ATG10: variants seen among roughly 807,000 people sequenced by gnomAD.
The protein encoded by ATG10 is ubiquitin-like-conjugating enzyme ATG10.
A neutral mutation model predicts 32.1 loss-of-function variants in ATG10; 30 were observed. The ratio of observed to expected loss-of-function variants is 0.94; its 90% CI spans 0.70 to 1.27. The LOEUF is 1.27. Among genes scored for constraint, ATG10 ranks in the 50% most tolerant of loss-of-function variants. The probability of loss-of-function intolerance (pLI) is 0.00; values close to 1 mark genes in which losing one functional copy is unlikely to be tolerated. For missense variants in ATG10, 233 were observed against 262.3 expected, an observed-to-expected ratio of 0.89 and a Z score of 0.77; for synonymous variants, 87 against 91.5, an observed-to-expected ratio of 0.95 and a Z score of 0.28.
chr5:82,027,585 A>G (rs1450324250), intron 2 of ATG10, among the ~76,000 whole-genome samples: 2 of 152,332 alleles, frequency 1.3e-5, no homozygotes, highest in East Asian at 1.9e-4. Context: ...CCCTAACTCT[A>G]TAAATAGATT....
intron 3 of ATG10, among the ~76,000 whole-genome samples, chr5:82,109,959 C>A (rs1765565393): frequency 6.6e-6 from 1 of 150,884 alleles, no homozygotes; most frequent in South Asian, 2.1e-4. Flanking sequence ...ATCCCCCCAC[C>A]CCACAATGGG....
At chr5:82,025,011 T>C (rs1189511368) in intron 2 of ATG10, among the ~76,000 whole-genome samples, 1 of 152,178 alleles carries the variant, frequency 6.6e-6, no homozygotes, top group Non-Finnish European at 1.5e-5. Context: ...TGAAAGGTAA[T>C]GTAAGATAGT....
rs1200351441 is a variant in ATG10 at position 82,122,334 on chromosome 5, C to CT, written c.217-42059dup. Among the ~76,000 whole-genome samples the CT allele has an allele frequency of 2.6e-5, 4 of 151,912 alleles. No individual in the cohort carries two copies. In the East Asian group the frequency reaches 7.7e-4, roughly 29 times the overall value. On this transcript the variant is annotated intron_variant, in intron 3 of 7. Coordinates refer to ENST00000282185, the MANE Select transcript of ATG10 (RefSeq NM_031482.5). The stretch of plus-strand genomic sequence containing the variant: ...ATATGCAGAAGATTGAAGCTGTGCT[C>CT]TTTTTTACATCGTATACAAAAATCG...
chr5:82,017,067 T>C (rs1431006710), intron 2 of ATG10, among the ~76,000 whole-genome samples: 4 of 152,160 alleles, frequency 2.6e-5, no homozygotes. Flanking sequence ...GTTTGTGTTG[T>C]CTATGATTTA....
At chr5:82,093,327 C>T (rs1764952954) in intron 3 of ATG10, among the ~76,000 whole-genome samples, 1 of 152,086 alleles carries the variant, frequency 6.6e-6, no homozygotes, top group African/African-American at 2.4e-5. Context: ...CATTTTGGAT[C>T]GTTTCTATTG....
intron 3 of ATG10, among the ~76,000 whole-genome samples, chr5:82,146,281 A>T (rs1767355561): frequency 6.6e-6 from 1 of 152,008 alleles, no homozygotes; most frequent in South Asian, 2.1e-4. Flanking sequence ...CTGGTGAGAA[A>T]TCCATGGAAA....
intron 3 of ATG10, among the ~76,000 whole-genome samples, chr5:82,122,241 C>T (rs568074030): frequency 1.3e-5 from 2 of 152,054 alleles, no homozygotes; most frequent in East Asian, 3.9e-4. Context: ...TTTGACAAAG[C>T]TGACAAAAAC....
intron 3 of ATG10, among the ~76,000 whole-genome samples, chr5:82,124,753 G>C (rs764491850): frequency 2.6e-5 from 4 of 152,094 alleles, no homozygotes; most frequent in Non-Finnish European, 4.4e-5. Flanking sequence ...ATAAACATAT[G>C]TGTGAGTGTG....
chr5:82,094,633 T>A (rs942819609), intron 3 of ATG10, among the ~76,000 whole-genome samples: 1 of 152,132 alleles, frequency 6.6e-6, no homozygotes, highest in African/African-American at 2.4e-5. Flanking sequence ...TAAAAAGTGT[T>A]TAAAAAGTAG....
chr5:82,055,222 T>C (rs1334234162), intron 2 of ATG10, among the ~76,000 whole-genome samples: 1 of 152,044 alleles, frequency 6.6e-6, no homozygotes, highest in Non-Finnish European at 1.5e-5. Context: ...AAGGCTAATC[T>C]TGACTGAGAA....
At chr5:81,987,235 G>A (rs985640758) in intron 1 of ATG10, among the ~76,000 whole-genome samples, 1 of 152,136 alleles carries the variant, frequency 6.6e-6, no homozygotes, top group Non-Finnish European at 1.5e-5. Flanking sequence ...TGATCCTCCT[G>A]CCTCAGCCTC....
intron 3 of ATG10, among the ~76,000 whole-genome samples, chr5:82,089,342 CA>C (rs111488674): frequency 7.6e-4 from 108 of 141,352 alleles, no homozygotes; most frequent in South Asian, 1.6e-3. Flanking sequence ...AACTCTGTCT[CA>C]AAAAAAAAAA....
chr5:82,021,706 C>T (rs886623793), intron 2 of ATG10, among the ~76,000 whole-genome samples: 1 of 152,004 alleles, frequency 6.6e-6, no homozygotes, highest in African/African-American at 2.4e-5. Flanking sequence ...CATGGTGAAA[C>T]CCTGTCTCTA....
At chr5:82,151,184 C>T (rs1767579845) in intron 3 of ATG10, among the ~76,000 whole-genome samples, 3 of 152,140 alleles carry the variant, frequency 2.0e-5, no homozygotes, top group Admixed American at 2.0e-4. Flanking sequence ...GAAAGTTAGG[C>T]TCTACTAATA....
At chr5:82,177,391 A>G (rs1382628155) in intron 4 of ATG10, among the ~76,000 whole-genome samples, 1 of 152,128 alleles carries the variant, frequency 6.6e-6, no homozygotes, top group East Asian at 1.9e-4. Flanking sequence ...GCTCTTGAGT[A>G]GATTATTTTC....
At position 82,228,451 on chromosome 5, in the gene ATG10, A is replaced by G. The variant is rs1027355279; in HGVS notation, c.454-24111A>G. Among the ~76,000 whole-genome samples, 9 of 152,202 alleles carry G rather than the reference A, an allele frequency of 5.9e-5. No homozygotes were observed. In the South Asian group the frequency reaches 8.3e-4, roughly 14 times the overall value. On this transcript the variant is annotated intron_variant, in intron 5 of 7. Coordinates refer to ENST00000282185, the MANE Select transcript of ATG10 (RefSeq NM_031482.5). ...AAAACATAAACTCCTTTGTCTCTCT[A>G]TTTTTTTGGTTATGAGAAGATGATC...
intron 2 of ATG10, among the ~76,000 whole-genome samples, chr5:82,028,867 T>C (rs943572041): frequency 3.3e-5 from 5 of 152,208 alleles, no homozygotes; most frequent in African/African-American, 1.2e-4. Context: ...TTCATATGTA[T>C]TGATAAAGTT....
At chr5:82,206,485 A>T (rs1003693411) in intron 5 of ATG10, among the ~76,000 whole-genome samples, 1 of 151,688 alleles carries the variant, frequency 6.6e-6, no homozygotes, top group African/African-American at 2.4e-5. Context: ...GTCTCTACTT[A>T]AAAAAATACA....
chr5:82,002,972 G>A (rs762835145), intron 2 of ATG10, among the ~76,000 whole-genome samples: 7 of 152,062 alleles, frequency 4.6e-5, no homozygotes, highest in African/African-American at 9.7e-5. Context: ...ATTATTTCAC[G>A]TGACCTAAGA....
Sources: allele counts gnomAD v4.1 joint callset (sites outside exome capture counted in the v4.1 genomes callset), GRCh38; gene constraint gnomAD v4.1.1; transcripts MANE v1.5; gene names NCBI Gene and HGNC (gene_info 2026-07-23, HGNC 2026-07-21).